Variants in RETREG1 observed in about 807,000 individuals in gnomAD.
RETREG1 encodes family with sequence similarity 134 member B.
RETREG1 carries 44 observed loss-of-function variants against 54.8 expected under a neutral mutation model. The ratio of observed to expected loss-of-function variants is 0.80; its 90% CI spans 0.63 to 1.03. The LOEUF (loss-of-function observed/expected upper bound fraction) is 1.03, where lower values mean the gene tolerates loss of function less well. Among genes scored for constraint, RETREG1 ranks in the 50% least tolerant of loss-of-function variants. The probability of loss-of-function intolerance (pLI) is 0.00; values close to 1 mark genes in which losing one functional copy is unlikely to be tolerated. For missense variants in RETREG1, 554 were observed against 605.1 expected (o/e 0.92, Z 0.89); for synonymous variants, 217 against 238.5 (o/e 0.91, Z 0.83).
intron 3 of RETREG1, among the ~76,000 whole-genome samples, chr5:16,562,982 G>A (rs1039372999): frequency 6.6e-6 from 1 of 152,152 alleles, no homozygotes; most frequent in Non-Finnish European, 1.5e-5. Context: ...CTATTAATGG[G>A]GGGATGGGGG....
chr5:16,602,853 A>G (rs1480768282), intron 1 of RETREG1, among the ~76,000 whole-genome samples: 2 of 152,138 alleles, frequency 1.3e-5, no homozygotes, highest in African/African-American at 4.8e-5. Context: ...GCTAAAAAAT[A>G]CAAAATTACC....
rs1162841791 is a variant in RETREG1 at position 16,561,688 on chromosome 5, T to G, written c.458+4075A>C. On this transcript the variant is annotated intron_variant, in intron 3 of 8. Transcript: ENST00000306320. The surrounding 1 kb of genome is among the most constrained non-coding windows in gnomAD (Gnocchi z 4.2). ...CAAACCTAACAGTTAGCAAAGTATG[T>G]CCTTCGGTTCTGCTGTGCTAATATT... 6.6e-6 allele frequency among the ~76,000 whole-genome samples: 1 copy of G among 152,156 alleles called. No individual in the cohort carries two copies. Among genetic ancestry groups the G allele is most frequent in the East Asian group, 1.9e-4 (1 of 5,182 alleles).
chr5:16,601,643 G>C (rs758093043), intron 1 of RETREG1, among the ~76,000 whole-genome samples: 78 of 152,050 alleles, frequency 5.1e-4, no homozygotes, highest in Non-Finnish European at 1.0e-3. Flanking sequence ...TGATCCACCC[G>C]CCTCAGCCTC....
rs6860618 is a variant in RETREG1, at chr5:16,569,587, G to C, written c.427+2409C>G. Among the ~76,000 whole-genome samples the C allele has an allele frequency of 5.4e-3, 819 of 152,212 alleles. 5 individuals carry two copies. The highest frequency in any genetic ancestry group is 0.019 in the African/African-American group (789 of 41,556). On this transcript the variant is annotated intron_variant, in intron 2 of 8. Transcript: ENST00000306320. ...TGTGCTGAAGGCCCTTCTATTTGAC[G>C]CTTTTATTGACCTCTTATAAAGCCC...
At chr5:16,554,387 G>A (rs758814728) in intron 3 of RETREG1, among the ~76,000 whole-genome samples, 1 of 152,142 alleles carries the variant, frequency 6.6e-6, no homozygotes, top group African/African-American at 2.4e-5. Flanking sequence ...TTGGGAGCCG[G>A]AGCCCTGGGC....
At chr5:16,569,289 T>TTC (rs200589529) in intron 2 of RETREG1, among the ~76,000 whole-genome samples, 2,375 of 114,480 alleles carry the variant, frequency 0.021, 76 homozygotes, top group African/African-American at 0.082. Context: ...ATTTCTTTCT[T>TTC]TTTTTTTTTT....
intron 3 of RETREG1, among the ~76,000 whole-genome samples, chr5:16,521,808 G>A (rs1203646558): frequency 6.6e-6 from 1 of 152,250 alleles, no homozygotes; most frequent in Non-Finnish European, 1.5e-5. Flanking sequence ...TCCTTAAATA[G>A]CAACTGATAA....
chr5:16,615,193 C>G (rs1743461736), intron 1 of RETREG1, among the ~76,000 whole-genome samples: 1 of 151,914 alleles, frequency 6.6e-6, no homozygotes, highest in Non-Finnish European at 1.5e-5. Flanking sequence ...GTCAGGAGAT[C>G]GAGACCATCC....
chr5:16,596,828 T>A (rs1009292196), intron 1 of RETREG1, among the ~76,000 whole-genome samples: 4 of 152,090 alleles, frequency 2.6e-5, no homozygotes, highest in African/African-American at 9.7e-5. Context: ...ATGGTCCAAC[T>A]AGAGAATGGA....
intron 3 of RETREG1, chr5:16,508,993 T>C (rs1399869616): frequency 3.9e-6 from 4 of 1,024,734 alleles, no homozygotes; most frequent in East Asian, 8.7e-5. Flanking sequence ...GTAACCTTCA[T>C]TGGATGACTT....
At chr5:16,476,397 AC>A (rs1337238722) in intron 8 of RETREG1, among the ~76,000 whole-genome samples, 2 of 152,198 alleles carry the variant, frequency 1.3e-5, no homozygotes, top group African/African-American at 4.8e-5. Flanking sequence ...ATCCAGTGAG[AC>A]TAACAAAAGT....
At chr5:16,538,351 G>A (rs551696628) in intron 3 of RETREG1, among the ~76,000 whole-genome samples, 1 of 152,312 alleles carries the variant, frequency 6.6e-6, no homozygotes, top group East Asian at 1.9e-4. Flanking sequence ...TTTTAGTGTG[G>A]AAGTAGCTTC....
intron 3 of RETREG1, among the ~76,000 whole-genome samples, chr5:16,491,860 G>A (rs1474969091): frequency 1.3e-5 from 2 of 151,992 alleles, no homozygotes; most frequent in African/African-American, 2.4e-5. Flanking sequence ...CTGTCTCTAC[G>A]AAAGAAAGGA....
intron 1 of RETREG1, among the ~76,000 whole-genome samples, chr5:16,604,589 T>A (rs1208566790): frequency 6.6e-6 from 1 of 152,230 alleles, no homozygotes; most frequent in African/African-American, 2.4e-5. Context: ...GCTCCCTCTG[T>A]CATCTGAGTT....
chr5:16,538,872 T>C (rs1475083030), intron 3 of RETREG1, among the ~76,000 whole-genome samples: 1 of 152,118 alleles, frequency 6.6e-6, no homozygotes, highest in Non-Finnish European at 1.5e-5. Flanking sequence ...GCCCGGCTAA[T>C]TTTTTGTATT....
chr5:16,604,307 T>G (rs1398219775), intron 1 of RETREG1, among the ~76,000 whole-genome samples: 2 of 152,152 alleles, frequency 1.3e-5, no homozygotes, highest in East Asian at 3.9e-4. Context: ...TTAAATCCTC[T>G]GAGCCCCAAT....
chr5:16,595,452 C>G (rs2126348917), intron 1 of RETREG1, among the ~76,000 whole-genome samples: 1 of 152,174 alleles, frequency 6.6e-6, no homozygotes, highest in Admixed American at 6.5e-5. Flanking sequence ...GTGACCATGT[C>G]CATTTTAACA....
At chr5:16,555,786 T>C (rs1261896748) in intron 3 of RETREG1, among the ~76,000 whole-genome samples, 1 of 152,186 alleles carries the variant, frequency 6.6e-6, no homozygotes, top group Non-Finnish European at 1.5e-5. Context: ...GGACTATAGA[T>C]AAATAAATAA....
Position 16,488,062 on chromosome 5 carries a change from G to T in RETREG1, c.459-4590C>A, listed in dbSNP as rs537375356. 4.8e-4 allele frequency among the ~76,000 whole-genome samples: 73 copies of T among 152,314 alleles called. 1 individual carries two copies. The highest frequency in any genetic ancestry group is 1.7e-3 in the African/African-American group (72 of 41,564). ...AGGCCTGGGTGAGGCTCAGAAATCT[G>T]CATTTTAACAGGTGTCCTAGATGAT... On this transcript the variant is annotated intron_variant, in intron 3 of 8. Coordinates refer to ENST00000306320, the MANE Select transcript of RETREG1 (RefSeq NM_001034850.3).
Sources: gnomAD v4.1 joint callset for allele counts (sites outside exome capture counted in the v4.1 genomes callset) on GRCh38, gnomAD v4.1.1 for gene constraint, Gnocchi (gnomAD v3.1) non-coding constraint, MANE v1.5 for transcripts, NCBI Gene and HGNC (gene_info 2026-07-23, HGNC 2026-07-21) for gene names.